FRMD5: variants seen among roughly 807,000 people sequenced by gnomAD.
The protein encoded by FRMD5 is FERM domain-containing protein 5.
Under a neutral mutation model 69.0 loss-of-function variants are expected in FRMD5, and 20 were observed. That is an observed-to-expected ratio of 0.29 (90% CI 0.20 to 0.42). The LOEUF (loss-of-function observed/expected upper bound fraction) is 0.42, where lower values mean the gene tolerates loss of function less well. FRMD5 is among the 10% of genes least tolerant of loss of function. The pLI is 1.00. For synonymous variants in FRMD5, 271 were observed against 260.1 expected, an observed-to-expected ratio of 1.04 and a Z score of -0.40; for missense variants, 595 against 708.6, an observed-to-expected ratio of 0.84 and a Z score of 1.82.
At chr15:43,878,932 C>CTTTTTT (rs71421808) in intron 13 of FRMD5, among the ~76,000 whole-genome samples, 75 of 112,874 alleles carry the variant, frequency 6.6e-4, no homozygotes, top group East Asian at 1.6e-3. Flanking sequence ...TTTTTCTTTT[C>CTTTTTT]TTTTTTTTTT....
intron 1 of FRMD5, among the ~76,000 whole-genome samples, chr15:43,983,224 C>T (rs1322890782): frequency 6.6e-6 from 1 of 152,170 alleles, no homozygotes; most frequent in Non-Finnish European, 1.5e-5. Context: ...AGCCACCATG[C>T]CTGGCCCCAA....
rs1287264170 is a variant in FRMD5, at chr15:43,873,317, C to A, written c.*568G>T. On this transcript the variant is annotated 3_prime_UTR_variant, in exon 14 of 14. Transcript: ENST00000417257. ...TTTAATCATTCTACATGGATGTTTACTTTTTTAAAAGTTCTGGCTGGCAAA... is the reference window on the plus strand; with the variant it reads ...TTTAATCATTCTACATGGATGTTTAATTTTTTAAAAGTTCTGGCTGGCAAA... 44 of 1,506,554 alleles carry A rather than the reference C, an allele frequency of 2.9e-5. No individual in the cohort carries two copies. The highest frequency in any genetic ancestry group is 3.8e-5 in the Non-Finnish European group (43 of 1,132,416). The allele number at this position is 1,506,554 out of a possible 1,614,324, so 93.3% of individuals were successfully genotyped here.
At chr15:43,950,260 C>T (rs8042714) in intron 1 of FRMD5, among the ~76,000 whole-genome samples, 6 of 151,928 alleles carry the variant, frequency 3.9e-5, no homozygotes, top group Non-Finnish European at 5.9e-5. Context: ...GATAGGTGAA[C>T]GAAGGAGTAG....
chr15:43,976,031 G>A (rs2090456685), intron 1 of FRMD5, among the ~76,000 whole-genome samples: 1 of 150,216 alleles, frequency 6.7e-6, no homozygotes, highest in African/African-American at 2.4e-5. Flanking sequence ...TTTTAAAGAA[G>A]TGGTGCTGGA....
chr15:43,901,818 T>C (rs750083366), intron 7 of FRMD5: 20 of 233,504 alleles, frequency 8.6e-5, no homozygotes, highest in Non-Finnish European at 1.5e-4. Flanking sequence ...AGAAACTAGA[T>C]TACAGGTCAG....
chr15:43,936,438 G>T (rs1419738526), intron 1 of FRMD5, among the ~76,000 whole-genome samples: 1 of 152,172 alleles, frequency 6.6e-6, no homozygotes, highest in Non-Finnish European at 1.5e-5. Context: ...GGGTCCTTCT[G>T]CCTTGGCCTC....
In FRMD5 at chr15:44,134,731, C is replaced by T. The variant is rs140111897; in HGVS notation, c.102+60222G>A. 6.0e-3 allele frequency among the ~76,000 whole-genome samples: 910 copies of T among 152,226 alleles called. 3 individuals are homozygous for T. The highest frequency in any genetic ancestry group is 1.0e-2 in the Non-Finnish European group (678 of 68,000). ...TCTCAAAGTGCTGGGATTACAGGCA[C>T]GAGCCAACGCGCCCAGCCCCGAGAG... On this transcript the variant is annotated intron_variant, in intron 1 of 13. Transcript: ENST00000417257.
At chr15:44,102,578 C>T (rs1367365668) in intron 1 of FRMD5, among the ~76,000 whole-genome samples, 1 of 152,178 alleles carries the variant, frequency 6.6e-6, no homozygotes, top group Non-Finnish European at 1.5e-5. Flanking sequence ...ATTGTCCTAG[C>T]TTGGAATTAA....
intron 1 of FRMD5, among the ~76,000 whole-genome samples, chr15:44,108,253 C>T (rs28707435): frequency 0.073 from 11,067 of 152,222 alleles, 644 homozygotes; most frequent in East Asian, 0.17. Context: ...CACCTGTAGT[C>T]ACAGCTACTG....
intron 1 of FRMD5, among the ~76,000 whole-genome samples, chr15:43,929,174 T>C (rs2089634516): frequency 6.6e-6 from 1 of 152,152 alleles, no homozygotes; most frequent in African/African-American, 2.4e-5. Flanking sequence ...AACGCCTGGT[T>C]CTGGTTCTCT....
At chr15:44,000,546 GC>G (rs1890165959) in intron 1 of FRMD5, among the ~76,000 whole-genome samples, 1 of 150,196 alleles carries the variant, frequency 6.7e-6, no homozygotes, top group Non-Finnish European at 1.5e-5. Flanking sequence ...CGCAACCTCT[GC>G]CTCCCGGGTT....
At chr15:44,039,017 T>A (rs1892062832) in intron 1 of FRMD5, among the ~76,000 whole-genome samples, 1 of 152,114 alleles carries the variant, frequency 6.6e-6, no homozygotes, top group Non-Finnish European at 1.5e-5. Context: ...GCATCCACCA[T>A]TGCTAAGGAT....
intron 1 of FRMD5, among the ~76,000 whole-genome samples, chr15:44,170,923 T>C (rs1344578353): frequency 6.6e-6 from 1 of 152,272 alleles, no homozygotes; most frequent in African/African-American, 2.4e-5. Context: ...TACTTCCATT[T>C]ATAATATTTT....
At chr15:44,157,413 G>A (rs763039488) in intron 1 of FRMD5, among the ~76,000 whole-genome samples, 1 of 152,160 alleles carries the variant, frequency 6.6e-6, no homozygotes, top group Non-Finnish European at 1.5e-5. Context: ...TGGGTCATGT[G>A]ATTATATGAA....
chr15:44,094,313 C>T (rs983469599), intron 1 of FRMD5, among the ~76,000 whole-genome samples: 2 of 152,182 alleles, frequency 1.3e-5, no homozygotes, highest in Non-Finnish European at 2.9e-5. Context: ...TAGGTCCGGG[C>T]TGGCTTTCCA....
chr15:43,999,387 T>G (rs1890078723), intron 1 of FRMD5, among the ~76,000 whole-genome samples: 1 of 152,198 alleles, frequency 6.6e-6, no homozygotes, highest in African/African-American at 2.4e-5. Context: ...AAGTGTGCAG[T>G]TCAGTTGTGT....
chr15:44,044,435 G>C (rs1892341753), intron 1 of FRMD5, among the ~76,000 whole-genome samples: 1 of 151,604 alleles, frequency 6.6e-6, no homozygotes, highest in Non-Finnish European at 1.5e-5. Flanking sequence ...ATACTCAAAG[G>C]ATCATTTTAG....
At chr15:43,889,831 A>G (rs551225193) in intron 8 of FRMD5, among the ~76,000 whole-genome samples, 3 of 152,038 alleles carry the variant, frequency 2.0e-5, no homozygotes, top group East Asian at 1.9e-4. Flanking sequence ...TTTCAACCCA[A>G]CTGGGACCCC....
At chr15:44,173,544 G>C (rs1225177093) in intron 1 of FRMD5, among the ~76,000 whole-genome samples, 2 of 152,038 alleles carry the variant, frequency 1.3e-5, no homozygotes, top group Non-Finnish European at 2.9e-5. Flanking sequence ...TTGAGACAGA[G>C]TCCCCCTCTG....
Sources: gnomAD v4.1 joint callset for allele counts (sites outside exome capture counted in the v4.1 genomes callset) on GRCh38, gnomAD v4.1.1 for gene constraint, MANE v1.5 for transcripts, NCBI Gene and HGNC (gene_info 2026-07-23, HGNC 2026-07-21) for gene names.